The following ALDH7A1 variants were observed in gnomAD, a reference collection of about 807,000 sequenced individuals.
The protein encoded by ALDH7A1 is alpha-aminoadipic semialdehyde dehydrogenase.
A neutral mutation model predicts 79.9 loss-of-function variants in ALDH7A1; 63 were observed. That is an observed-to-expected ratio of 0.79 (90% CI 0.64 to 0.97). The LOEUF (loss-of-function observed/expected upper bound fraction) is 0.97, where lower values mean the gene tolerates loss of function less well. Ranked by LOEUF, ALDH7A1 falls within the 50% of genes least tolerant of loss-of-function variation. ALDH7A1 has a pLI of 0.00. For synonymous variants in ALDH7A1, 240 were observed against 231.2 expected, an observed-to-expected ratio of 1.04 and a Z score of -0.34; for missense variants, 627 against 665.2, an observed-to-expected ratio of 0.94 and a Z score of 0.63.
chr5:126,573,590 C>T (rs55942866), intron 7 of ALDH7A1, among the ~76,000 whole-genome samples: 1,766 of 151,076 alleles, frequency 0.012, 32 homozygotes, highest in African/African-American at 0.041. Flanking sequence ...CCCAGCCACT[C>T]GGGAGGCTGA....
intron 5 of ALDH7A1, 87 bp downstream of exon 5, chr5:126,582,764 G>T: frequency 6.7e-7 from 1 of 1,497,642 alleles, no homozygotes; most frequent in South Asian, 1.2e-5. Context: ...TTTCTCTTTT[G>T]CACAGTCAAT....
At chr5:126,565,946 C>T (rs1351669443) in intron 9 of ALDH7A1, among the ~76,000 whole-genome samples, 2 of 152,174 alleles carry the variant, frequency 1.3e-5, no homozygotes, top group African/African-American at 4.8e-5. Flanking sequence ...ATTTTTATGT[C>T]TATCCTTATG....
chr5:126,547,693 G>T (rs911352260), intron 16 of ALDH7A1, among the ~76,000 whole-genome samples: 13 of 152,188 alleles, frequency 8.5e-5, no homozygotes, highest in African/African-American at 3.1e-4. Flanking sequence ...GGAGACAGCA[G>T]TGAAAGCACA....
At position 126,553,825 on chromosome 5, in the gene ALDH7A1, G is replaced by A. The variant is rs144153375; in HGVS notation, c.1200+462C>T. ...CAAGACCCTGTCACAAAAACAAACA[G>A]AGCCAAGTGTGGTGGTTCATGCCTG... On this transcript the variant is annotated intron_variant, in intron 13 of 17. Transcript: ENST00000409134. Among the ~76,000 whole-genome samples the A allele has an allele frequency of 3.0e-3, 456 of 151,622 alleles. 3 individuals are homozygous for A. The highest frequency in any genetic ancestry group is 0.01 in the African/African-American group (426 of 41,326).
rs756597798 is a variant in ALDH7A1 at position 126,583,912 on chromosome 5, A to T, written c.393+20T>A. The T allele has an allele frequency of 1.9e-6, 3 of 1,591,198 alleles. No individual in the cohort carries two copies. The highest frequency in any genetic ancestry group is 2.6e-6 in the Non-Finnish European group (3 of 1,159,126). ...ATTGTCCACTCAAAGAATTGTGTAT[A>T]TACTACAAAAATACTTTACCAAGCT... is the stretch of plus-strand genomic sequence containing the variant. On this transcript the variant is annotated intron_variant, in intron 4 of 17. Transcript: ENST00000409134.
intron 1 of ALDH7A1, chr5:126,593,733 T>C (rs1016601594): frequency 2.1e-5 from 9 of 428,614 alleles, no homozygotes; most frequent in Non-Finnish European, 3.0e-5. Flanking sequence ...ATTTCTTCTC[T>C]TCCTTACTCT....
intron 9 of ALDH7A1, chr5:126,561,505 T>C (rs867252010): frequency 5.3e-5 from 8 of 151,840 alleles, no homozygotes; most frequent in Non-Finnish European, 9.7e-5. Flanking sequence ...TGTGTGTGTG[T>C]GTGTGTGTAC....
chr5:126,578,467 C>G (rs1048249660), intron 5 of ALDH7A1, among the ~76,000 whole-genome samples: 1 of 151,556 alleles, frequency 6.6e-6, no homozygotes, highest in Admixed American at 6.6e-5. Context: ...GGCAAGACCC[C>G]TGACTCTACA....
At chr5:126,570,625 A>T in intron 8 of ALDH7A1, 157 bp downstream of exon 8, 1 of 761,484 alleles carries the variant, frequency 1.3e-6, no homozygotes, top group Non-Finnish European at 2.3e-6. Context: ...GTTAGGCATT[A>T]ATAAAATAAG....
intron 1 of ALDH7A1, among the ~76,000 whole-genome samples, 199 bp downstream of exon 1, chr5:126,594,808 T>C (rs1015588095): frequency 1.3e-5 from 2 of 152,088 alleles, no homozygotes; most frequent in African/African-American, 4.8e-5. Flanking sequence ...TGACGTCGAT[T>C]CTGCATAGCA....
chr5:126,584,313 A>G (rs1256948968), intron 3 of ALDH7A1: 2 of 379,690 alleles, frequency 5.3e-6, no homozygotes, highest in South Asian at 5.3e-5. Flanking sequence ...AAGGAAGCTG[A>G]GACAGAGAAA....
chr5:126,568,389 G>A (rs1750664741), intron 8 of ALDH7A1, 33 bp from the exon 9 acceptor site: 2 of 1,576,780 alleles, frequency 1.3e-6, no homozygotes, highest in Non-Finnish European at 1.7e-6. Context: ...GGCCACCCAA[G>A]CAGAGAAACC....
At chr5:126,571,330 T>A (rs550729927) in intron 7 of ALDH7A1, among the ~76,000 whole-genome samples, 289 of 151,710 alleles carry the variant, frequency 1.9e-3, no homozygotes, top group African/African-American at 6.8e-3. Context: ...ATATAAAAAT[T>A]AGCCGAGAGT....
chr5:126,548,664 C>T (rs1357163026), intron 16 of ALDH7A1, among the ~76,000 whole-genome samples: 6 of 152,036 alleles, frequency 3.9e-5, no homozygotes, highest in Non-Finnish European at 5.9e-5. Flanking sequence ...TGAGCTCAAG[C>T]GATCGGCCCA....
chr5:126,549,734 C>A, intron 16 of ALDH7A1, 195 bp downstream of exon 16: 1 of 642,984 alleles, frequency 1.6e-6, no homozygotes, highest in Non-Finnish European at 2.8e-6. Flanking sequence ...CTGATGCTGC[C>A]TCTGAGGAGA....
chr5:126,542,545 G>C lies in ALDH7A1; in HGVS notation c.*2420C>G, dbSNP rs972304952. ...CTGGGCACAGTGGCATGCACCTGTA[G>C]TCCCAGCTACTGGGGAGCATGAGGT... On this transcript the variant is annotated 3_prime_UTR_variant, in exon 18 of 18. Coordinates refer to ENST00000409134, the MANE Select transcript of ALDH7A1 (RefSeq NM_001182.5). 1.3e-5 allele frequency: 2 copies of C among 152,216 alleles called. No individual in the cohort carries two copies. Among genetic ancestry groups the C allele is most frequent in the African/African-American group, 4.8e-5 (2 of 41,418 alleles). The allele number at this position is 152,216 out of a possible 1,614,324, so 9.4% of individuals were successfully genotyped here.
At chr5:126,579,502 G>A (rs1419294348) in intron 5 of ALDH7A1, among the ~76,000 whole-genome samples, 1 of 152,134 alleles carries the variant, frequency 6.6e-6, no homozygotes, top group Non-Finnish European at 1.5e-5. Context: ...TAATTTATAA[G>A]CTTATAAATC....
intron 14 of ALDH7A1, among the ~76,000 whole-genome samples, chr5:126,551,578 C>G (rs904510357): frequency 6.6e-6 from 1 of 152,284 alleles, no homozygotes; most frequent in Non-Finnish European, 1.5e-5. Flanking sequence ...CTGCCTCACC[C>G]TCCCAAAGTG....
At position 126,549,986 on chromosome 5, in the gene ALDH7A1, A is replaced by T. The variant is rs1201473032; in HGVS notation, c.1432T>A (p.Cys478Ser). 1.9e-6 allele frequency: 3 copies of T among 1,614,066 alleles called. No individual in the cohort carries two copies. The highest frequency in any genetic ancestry group is 2.5e-6 in the Non-Finnish European group (3 of 1,180,014). Residue 478 changes from cysteine (C) to serine (S), a missense_variant, in exon 16 of 18, where the codon TGT becomes AGT. Coordinates refer to ENST00000409134, the MANE Select transcript of ALDH7A1 (RefSeq NM_001182.5). ...GGAATGTTGACATTTACAATGCCAC[A>T]GTCTGATCCTTTAGGTCTGTGTAAA... ...FRWLGPKGSD[C>S]GIVNVNIPTS...
Sources: gnomAD v4.1 joint callset for allele counts (sites outside exome capture counted in the v4.1 genomes callset) on GRCh38, gnomAD v4.1.1 for gene constraint, MANE v1.5 for transcripts, NCBI Gene and HGNC (gene_info 2026-07-23, HGNC 2026-07-21) for gene names.